Variants in HYDIN observed in about 807,000 individuals in gnomAD.
HYDIN encodes HYDIN axonemal central pair apparatus protein.
In HYDIN, 132 loss-of-function variants were observed where a neutral mutation model predicts 403.9. The observed-to-expected ratio is 0.33, with a 90% confidence interval of 0.28 to 0.38. HYDIN has a LOEUF of 0.38. Ranked by LOEUF, HYDIN falls within the 10% of genes least tolerant of loss-of-function variation. The pLI is 1.00. For missense variants in HYDIN, 2,827 were observed against 5,009.5 expected (o/e 0.56, Z 13.15); for synonymous variants, 1,202 against 1,891.7 (o/e 0.64, Z 9.46).
intron 53 of HYDIN, among the ~76,000 whole-genome samples, chr16:70,898,363 A>C (rs1597257877): frequency 1.3e-5 from 2 of 152,024 alleles, no homozygotes; most frequent in South Asian, 4.2e-4. Context: ...CAGGCCCTAC[A>C]CCAGCCAGGG....
chr16:70,837,243 TG>T (rs890885758), intron 77 of HYDIN, among the ~76,000 whole-genome samples: 9 of 152,020 alleles, frequency 5.9e-5, no homozygotes, highest in African/African-American at 1.9e-4. Context: ...TGCTAATCAA[TG>T]GGGTGTTAAG....
At position 70,906,614 on chromosome 16, in the gene HYDIN, G is replaced by A. The variant is rs561557384; in HGVS notation, c.8516+758C>T. 8.7e-4 allele frequency among the ~76,000 whole-genome samples: 132 copies of A among 152,058 alleles called. 1 individual carries two copies. In the South Asian group the frequency reaches 9.8e-3, roughly 11 times the overall value. Reference sequence around the variant, plus strand: ...ATGCAAGCCTCATAAGAATAACAGCGCACGAACAGCCTGCCCTGCGCTCCA... The same window carrying A: ...ATGCAAGCCTCATAAGAATAACAGCACACGAACAGCCTGCCCTGCGCTCCA... On this transcript the variant is annotated intron_variant, in intron 50 of 85. Coordinates refer to ENST00000393567, the MANE Select transcript of HYDIN (RefSeq NM_001270974.2).
At chr16:70,915,994 C>T (rs1189905155) in intron 47 of HYDIN, among the ~76,000 whole-genome samples, 1 of 152,250 alleles carries the variant, frequency 6.6e-6, no homozygotes, top group Non-Finnish European at 1.5e-5. Flanking sequence ...TCCCACCATG[C>T]CCCCACCAAC....
intron 1 of HYDIN, among the ~76,000 whole-genome samples, chr16:71,199,776 A>G (rs2087891900): frequency 6.6e-6 from 1 of 152,200 alleles, no homozygotes; most frequent in Non-Finnish European, 1.5e-5. Flanking sequence ...TCCAATTCAG[A>G]AAAGGAATTT....
chr16:70,960,639 A>G (rs1413647554), intron 38 of HYDIN, among the ~76,000 whole-genome samples: 4 of 152,012 alleles, frequency 2.6e-5, no homozygotes, highest in Admixed American at 2.6e-4. Context: ...TGCTTTTCAC[A>G]TAATATATCT....
chr16:71,161,961 C>T (rs1194821220), intron 6 of HYDIN, among the ~76,000 whole-genome samples: 5 of 132,694 alleles, frequency 3.8e-5, no homozygotes, highest in Non-Finnish European at 6.2e-5. Flanking sequence ...TATACTTTTC[C>T]CCATTTTTCA....
chr16:71,162,984 T>C (rs2086067391), intron 5 of HYDIN, among the ~76,000 whole-genome samples: 1 of 152,160 alleles, frequency 6.6e-6, no homozygotes, highest in Non-Finnish European at 1.5e-5. Context: ...TGTCAGGCAA[T>C]AGGGAGGTAG....
At chr16:70,989,030 T>A (rs1321403094) in intron 25 of HYDIN, among the ~76,000 whole-genome samples, 1 of 152,134 alleles carries the variant, frequency 6.6e-6, no homozygotes, top group East Asian at 1.9e-4. Flanking sequence ...TATTCTTGAG[T>A]TTATATGTAC....
intron 20 of HYDIN, 111 bp downstream of exon 20, chr16:71,027,491 G>A (rs2080749955): frequency 3.2e-6 from 5 of 1,542,686 alleles, no homozygotes; most frequent in Admixed American, 4.1e-5. Context: ...CACAATCCTT[G>A]AGAAACCATA....
intron 42 of HYDIN, among the ~76,000 whole-genome samples, chr16:70,943,208 G>A (rs1334933498): frequency 2.6e-5 from 4 of 151,990 alleles, no homozygotes; most frequent in African/African-American, 9.7e-5. Context: ...GTCTTTAACT[G>A]TAGAATTCTT....
rs577131554 is a variant in HYDIN, at chr16:70,803,226, C to T, written c.*4354G>A. Among the ~76,000 whole-genome samples, 41 of 152,054 alleles carry T rather than the reference C, an allele frequency of 2.7e-4. No homozygotes were observed. Among genetic ancestry groups the T allele is most frequent in the Non-Finnish European group, 5.1e-4 (35 of 68,014 alleles). On this transcript the variant is annotated 3_prime_UTR_variant, in exon 86 of 86. Coordinates refer to ENST00000393567, the MANE Select transcript of HYDIN (RefSeq NM_001270974.2). The stretch of plus-strand genomic sequence containing the variant: ...ATTCTGGCTCAGGTTGCTAAGTAAC[C>T]AGTTTTTTATTCAAGGCCCAGACCA...
In HYDIN at chr16:71,067,323, C is replaced by T; in HGVS notation, c.2042G>A (p.Gly681Glu). The T allele has an allele frequency of 6.2e-7, 1 of 1,613,354 alleles. No homozygotes were observed. The highest frequency in any genetic ancestry group is 8.5e-7 in the Non-Finnish European group (1 of 1,179,616). ...AATTAAGAGCGCCAGCACCTCTTCT[C>T]CGATGCCCTCCACGTCCACCACGAG... Reference protein sequence around the residue: ...LALVVDVEGIGEEVLALLITA... With the variant: ...LALVVDVEGIEEEVLALLITA... Residue 681 changes from glycine to glutamate, a missense_variant, in exon 15 of 86, where the codon GGA (glycine) becomes GAA (glutamate). Transcript: ENST00000393567.
chr16:71,040,288 C>T (rs1047458784), intron 18 of HYDIN, among the ~76,000 whole-genome samples: 9 of 150,108 alleles, frequency 6.0e-5, no homozygotes, highest in Non-Finnish European at 1.3e-4. Context: ...GACACACTCC[C>T]TTCGTGAGTC....
Position 70,917,955 on chromosome 16 carries a change from G to A in HYDIN, c.8004+256C>T, listed in dbSNP as rs551272731. Among the ~76,000 whole-genome samples the A allele has an allele frequency of 1.1e-3, 163 of 152,214 alleles. 1 individual carries two copies. Among genetic ancestry groups the A allele is most frequent in the African/African-American group, 3.8e-3 (157 of 41,506 alleles). On this transcript the variant is annotated intron_variant, in intron 47 of 85. Coordinates refer to ENST00000393567, the MANE Select transcript of HYDIN (RefSeq NM_001270974.2). ...TTCCCTAAACCCTCCAATGGGGACT[G>A]CAAAGGTTGTTAGGTGAGAATCAAT...
intron 75 of HYDIN, among the ~76,000 whole-genome samples, chr16:70,845,061 G>GGC (rs2038104883): frequency 2.2e-5 from 1 of 45,504 alleles, no homozygotes; most frequent in Non-Finnish European, 3.7e-5. Context: ...GCCCTGGCCA[G>GGC]AACTTCCAAC....
At chr16:71,101,901 G>C (rs546914838) in intron 10 of HYDIN, among the ~76,000 whole-genome samples, 4 of 152,126 alleles carry the variant, frequency 2.6e-5, no homozygotes, top group South Asian at 4.2e-4. Flanking sequence ...CTGTTCATAA[G>C]AGCATTATTC....
intron 41 of HYDIN, among the ~76,000 whole-genome samples, chr16:70,946,540 G>C (rs2077867380): frequency 6.6e-6 from 1 of 152,166 alleles, no homozygotes; most frequent in Non-Finnish European, 1.5e-5. Context: ...TTGAAGCTTT[G>C]CTTGAGAGTG....
At chr16:71,056,010 G>A (rs1295676089) in intron 18 of HYDIN, among the ~76,000 whole-genome samples, 3 of 151,898 alleles carry the variant, frequency 2.0e-5, no homozygotes, top group South Asian at 2.1e-4. Flanking sequence ...CCTTATTTCC[G>A]CTGCTCATAG....
chr16:70,940,522 G>C, intron 43 of HYDIN, among the ~76,000 whole-genome samples: 1 of 151,764 alleles, frequency 6.6e-6, no homozygotes, highest in Non-Finnish European at 1.5e-5. Flanking sequence ...TTTCAATTTA[G>C]ATGATTTAGG....
Sources: gnomAD v4.1 joint callset for allele counts (sites outside exome capture counted in the v4.1 genomes callset) on GRCh38, gnomAD v4.1.1 for gene constraint, MANE v1.5 for transcripts, NCBI Gene and HGNC (gene_info 2026-07-23, HGNC 2026-07-21) for gene names.